Variants in IL16 observed in about 807,000 individuals in gnomAD.
IL16 encodes the protein interleukin 16.
IL16 carries 67 observed loss-of-function variants against 110.1 expected under a neutral mutation model. The observed-to-expected ratio is 0.61, with a 90% CI of 0.50 to 0.75. IL16 has a LOEUF of 0.75. Ranked by LOEUF, IL16 falls within the 30% of genes least tolerant of loss-of-function variation. IL16 has a pLI of 0.00. For synonymous variants in IL16, 689 were observed against 662.9 expected (o/e 1.04, Z -0.61); for missense variants, 1,545 against 1,655.0 (o/e 0.93, Z 1.15).
At chr15:81,308,367 T>A (rs1900679500) in intron 18 of IL16, among the ~76,000 whole-genome samples, 2 of 152,184 alleles carry the variant, frequency 1.3e-5, no homozygotes, top group African/African-American at 4.8e-5. Flanking sequence ...TTCCCTCCCC[T>A]GGGGACAGCA....
intron 1 of IL16, among the ~76,000 whole-genome samples, chr15:81,198,714 G>C (rs1299411821): frequency 1.1e-5 from 1 of 93,840 alleles, no homozygotes; most frequent in African/African-American, 7.9e-5. Flanking sequence ...AGGGAGGGAG[G>C]TACACTTTGA....
intron 2 of IL16, among the ~76,000 whole-genome samples, chr15:81,259,420 A>G (rs1221886704): frequency 6.6e-6 from 1 of 152,144 alleles, no homozygotes; most frequent in African/African-American, 2.4e-5. Context: ...TCTTTCACTA[A>G]AATGCATTTT....
intron 7 of IL16, 95 bp from the exon 8 acceptor site, chr15:81,279,463 C>G: frequency 1.3e-6 from 1 of 766,348 alleles, no homozygotes; most frequent in Non-Finnish European, 2.1e-6. Context: ...ATTTCATACA[C>G]ATACACACAC....
intron 1 of IL16, among the ~76,000 whole-genome samples, chr15:81,186,600 C>T (rs1342713621): frequency 6.6e-6 from 1 of 152,218 alleles, no homozygotes; most frequent in Admixed American, 6.5e-5. Flanking sequence ...ATTTATTTAA[C>T]CATTCCCCAA....
chr15:81,218,276 C>T (rs566713029), intron 1 of IL16, among the ~76,000 whole-genome samples: 30 of 151,694 alleles, frequency 2.0e-4, no homozygotes, highest in African/African-American at 6.3e-4. Context: ...AAAAATGTTC[C>T]GGAAAAATGT....
rs1388888796 is a variant in IL16, at chr15:81,272,691, A to G, written c.676-399A>G. Among the ~76,000 whole-genome samples, 4 of 152,094 alleles carry G rather than the reference A, an allele frequency of 2.6e-5. No homozygotes were observed. In the South Asian group the frequency reaches 6.2e-4, roughly 24 times the overall value. ...GCTAGGCATTTTACTTTCAAACACA[A>G]CCCTGTGAGTTAGGTAATATCATTA... On this transcript the variant is annotated intron_variant, in intron 5 of 18. Transcript: ENST00000683961.
intron 4 of IL16, 88 bp downstream of exon 4, chr15:81,265,889 C>G: frequency 7.7e-7 from 1 of 1,298,388 alleles, no homozygotes. Context: ...AAGAGGCCTT[C>G]CCAGTAGTTT....
chr15:81,279,726 A>T lies in IL16; in HGVS notation c.1033A>T (p.Thr345Ser). 1 of 1,614,226 alleles carries T rather than the reference A, an allele frequency of 6.2e-7. No homozygotes were observed. Among genetic ancestry groups the T allele is most frequent in the Non-Finnish European group, 8.5e-7 (1 of 1,180,050 alleles). ...ALESPSAPIS[T>S]AKPNYRIMVE... ...GGAAAGCCCCTCGGCTCCCATCAGC[A>T]CCGCCAAGCCCAATTACAGAATCAT... The change falls in exon 8 of 19, where the codon ACC becomes TCC. Residue 345 changes from threonine to serine, a missense_variant. Physicochemically the swap from Thr to Ser is moderately conservative, Grantham distance 58. Around this residue, in one of 3 missense-constraint regions of IL16, gnomAD observed 1,185 missense variants for 1,238.8 expected, o/e 0.96. Coordinates refer to ENST00000683961, the MANE Select transcript of IL16 (RefSeq NM_172217.5).
chr15:81,301,739 CTTT>C (rs769754644), intron 15 of IL16, among the ~76,000 whole-genome samples: 135 of 152,306 alleles, frequency 8.9e-4, no homozygotes, highest in Non-Finnish European at 1.1e-3. Flanking sequence ...CTTGCATCTT[CTTT>C]TGTCATTTTA....
Position 81,292,724 on chromosome 15 carries a change from C to T in IL16, c.1589C>T (p.Ala530Val). ...GGGGGAAGTCCTGGGAGTGGCAGTG[C>T]TGAGAAGCCGTCCTCTGACGTGGAC... ...SPGGSPGSGS[A>V]EKPSSDVDIS... is the part of the protein sequence containing the mutation. Residue 530 changes from alanine to valine, a missense_variant, in exon 12 of 19, where the codon GCT becomes GTT. By Grantham distance (64) the Ala-to-Val change is moderately conservative (BLOSUM62 0). Transcript: ENST00000683961. The T allele has an allele frequency of 6.2e-7, 1 of 1,614,164 alleles. No homozygotes were observed. Among genetic ancestry groups the T allele is most frequent in the Non-Finnish European group, 8.5e-7 (1 of 1,180,034 alleles).
chr15:81,265,296 T>C (rs1371178942), intron 3 of IL16, among the ~76,000 whole-genome samples: 1 of 152,140 alleles, frequency 6.6e-6, no homozygotes, highest in Non-Finnish European at 1.5e-5. Context: ...TCCTCCTTTC[T>C]CTCCTTGGTT....
intron 1 of IL16, among the ~76,000 whole-genome samples, chr15:81,199,277 C>T (rs546805819): frequency 6.6e-6 from 1 of 152,202 alleles, no homozygotes; most frequent in African/African-American, 2.4e-5. Flanking sequence ...TCAAGTTCTT[C>T]TTTTGAATTC....
rs763758350 is a variant in IL16, at chr15:81,279,540, C to A, written c.865-18C>A. 2 of 1,591,796 alleles carry A rather than the reference C, an allele frequency of 1.3e-6. No homozygotes were observed. The highest frequency in any genetic ancestry group is 2.2e-5 in the South Asian group (2 of 90,640). ...CTGGATTGCTGCTGGGTGTTGTAGC[C>A]CTCTCTCTTTCTTTCAGCAAGCCAA... On this transcript the variant is annotated intron_variant, in intron 7 of 18. Transcript: ENST00000683961.
At chr15:81,186,964 T>C (rs181570995) in intron 1 of IL16, among the ~76,000 whole-genome samples, 44 of 152,282 alleles carry the variant, frequency 2.9e-4, no homozygotes, top group African/African-American at 9.6e-4. Flanking sequence ...TGGCTATCCA[T>C]CTCATTTTTG....
intron 2 of IL16, among the ~76,000 whole-genome samples, chr15:81,243,143 G>GTATA (rs1275444035): frequency 0.013 from 623 of 47,222 alleles, 34 homozygotes; most frequent in East Asian, 0.027. Context: ...AGCTATATAA[G>GTATA]TATATATATA....
rs1246648057 is a variant in IL16 at position 81,311,548 on chromosome 15, C to T, written c.*2750C>T. 2.0e-5 allele frequency: 3 copies of T among 152,254 alleles called. No individual in the cohort carries two copies. The highest frequency in any genetic ancestry group is 4.4e-5 in the Non-Finnish European group (3 of 68,106). 9.4% of individuals were successfully genotyped at this position (152,254 alleles called of 1,614,324 possible). A position where few individuals can be genotyped will look rare whatever the true frequency, so the allele number is the denominator to read the frequency against. On this transcript the variant is annotated 3_prime_UTR_variant, in exon 19 of 19. Transcript: ENST00000683961. Reference sequence around the variant, plus strand: ...GCAGGCACAGTATGTCCCATAGGCCCAGTGAGATGCATTCTTGGTTGGCTG... The same window carrying T: ...GCAGGCACAGTATGTCCCATAGGCCTAGTGAGATGCATTCTTGGTTGGCTG...
At chr15:81,293,907 G>A (rs1481914022) in intron 12 of IL16, among the ~76,000 whole-genome samples, 1 of 152,154 alleles carries the variant, frequency 6.6e-6, no homozygotes, top group East Asian at 1.9e-4. Context: ...TCCCAGTTGT[G>A]CAAAGAGGGA....
At chr15:81,240,147 A>G (rs1353005502) in intron 2 of IL16, among the ~76,000 whole-genome samples, 4 of 152,164 alleles carry the variant, frequency 2.6e-5, no homozygotes, top group African/African-American at 9.7e-5. Flanking sequence ...ATTATGTTCC[A>G]GGAATTCATT....
At chr15:81,231,478 A>T (rs1250110685) in intron 2 of IL16, among the ~76,000 whole-genome samples, 2 of 151,806 alleles carry the variant, frequency 1.3e-5, no homozygotes, top group Non-Finnish European at 2.9e-5. Context: ...GGCTCAAGTG[A>T]TCCCCCCTTT....
Sources: allele counts gnomAD v4.1 joint callset (sites outside exome capture counted in the v4.1 genomes callset), GRCh38; gene constraint gnomAD v4.1.1; regional missense constraint gnomAD v4.1.1; transcripts MANE v1.5; gene names NCBI Gene and HGNC (gene_info 2026-07-23, HGNC 2026-07-21).